Variants in TRHDE observed in about 807,000 individuals in gnomAD.
TRHDE encodes thyrotropin-releasing hormone-degrading ectoenzyme.
In TRHDE, 72 loss-of-function variants were observed where a neutral mutation model predicts 125.7. That is an observed-to-expected ratio of 0.57 (90% CI 0.47 to 0.70). TRHDE has a LOEUF of 0.70. TRHDE is among the 30% of genes least tolerant of loss of function. The probability of loss-of-function intolerance (pLI) is 0.00; values close to 1 mark genes in which losing one functional copy is unlikely to be tolerated. For missense variants in TRHDE, 1,110 were observed against 1,327.1 expected (o/e 0.84, Z 2.54); for synonymous variants, 509 against 509.1 (o/e 1.00, Z 0.00).
intron 2 of TRHDE, among the ~76,000 whole-genome samples, chr12:72,199,218 G>A (rs1023711641): frequency 6.6e-6 from 1 of 152,098 alleles, no homozygotes; most frequent in African/African-American, 2.4e-5. Context: ...TCTGTGCTTA[G>A]AGTAACAGGC....
intron 7 of TRHDE, among the ~76,000 whole-genome samples, chr12:72,553,291 T>C (rs546606978): frequency 7.9e-5 from 12 of 152,270 alleles, no homozygotes; most frequent in African/African-American, 2.2e-4. Flanking sequence ...TCCTCCAGGA[T>C]TGGGATTTTT....
chr12:72,441,462 C>T (rs1436895403), intron 3 of TRHDE, among the ~76,000 whole-genome samples: 20 of 151,804 alleles, frequency 1.3e-4, no homozygotes, highest in Admixed American at 6.6e-5. Context: ...TTCATCATTG[C>T]AGTACACAAG....
intron 3 of TRHDE, among the ~76,000 whole-genome samples, chr12:72,391,412 TGAAA>T (rs1565724513): frequency 6.6e-6 from 1 of 152,176 alleles, no homozygotes; most frequent in Non-Finnish European, 1.5e-5. Flanking sequence ...AGGGTGATTT[TGAAA>T]GAAAGAGTGA....
At position 72,554,340 on chromosome 12, in the gene TRHDE, A is replaced by G. The variant is rs1869822323; in HGVS notation, c.1789-7825A>G. On this transcript the variant is annotated intron_variant, in intron 7 of 18. Coordinates refer to ENST00000261180, the MANE Select transcript of TRHDE (RefSeq NM_013381.3). ...ATTTGTTTTATATCATTTTCTCTGC[A>G]TACCCTTATCAGGTAAGCACTACAT... 2.0e-5 allele frequency among the ~76,000 whole-genome samples: 3 copies of G among 152,290 alleles called. No individual in the cohort carries two copies. The South Asian group carries it at 6.2e-4, about 32-fold the overall frequency.
At chr12:72,539,022 G>T (rs1027592178) in intron 6 of TRHDE, among the ~76,000 whole-genome samples, 3 of 151,472 alleles carry the variant, frequency 2.0e-5, no homozygotes, top group African/African-American at 4.9e-5. Context: ...CCACTTTCAC[G>T]CCTATTTGAC....
At chr12:72,219,575 G>A (rs1403396925) in intron 2 of TRHDE, among the ~76,000 whole-genome samples, 1 of 152,094 alleles carries the variant, frequency 6.6e-6, no homozygotes, top group Non-Finnish European at 1.5e-5. Flanking sequence ...TCAGCCCTGG[G>A]GGTCCACATG....
chr12:72,592,913 A>C (rs960270296), intron 12 of TRHDE, among the ~76,000 whole-genome samples: 1 of 152,060 alleles, frequency 6.6e-6, no homozygotes, highest in Non-Finnish European at 1.5e-5. Flanking sequence ...CGGTTTTGCC[A>C]TGTTGGCCAG....
chr12:72,112,971 C>T (rs1203757188), intron 2 of TRHDE, among the ~76,000 whole-genome samples: 2 of 152,094 alleles, frequency 1.3e-5, no homozygotes, highest in South Asian at 4.1e-4. Context: ...ATGACCTGTA[C>T]CTTCATTTCC....
chr12:72,613,882 A>C (rs1009146258), intron 12 of TRHDE, among the ~76,000 whole-genome samples: 1 of 152,146 alleles, frequency 6.6e-6, no homozygotes, highest in African/African-American at 2.4e-5. Flanking sequence ...GTAATTTATA[A>C]GAAAAGAGGT....
At chr12:72,095,913 T>C (rs544173426) in intron 1 of TRHDE, among the ~76,000 whole-genome samples, 6 of 152,254 alleles carry the variant, frequency 3.9e-5, no homozygotes, top group Middle Eastern at 3.4e-3. Context: ...CTCTATAATG[T>C]GGTTGGGCCT....
chr12:72,171,511 G>A (rs1876873367), intron 2 of TRHDE, among the ~76,000 whole-genome samples: 1 of 152,184 alleles, frequency 6.6e-6, no homozygotes, highest in African/African-American at 2.4e-5. Context: ...TCTGGTTAGG[G>A]GAGATTGGTG....
chr12:72,309,502 G>A (rs1052868830), intron 2 of TRHDE, among the ~76,000 whole-genome samples: 2 of 151,952 alleles, frequency 1.3e-5, no homozygotes, highest in Non-Finnish European at 2.9e-5. Flanking sequence ...CTGGAAAGGA[G>A]GAAAAACAGC....
At chr12:72,128,051 C>G (rs1875766107) in intron 2 of TRHDE, among the ~76,000 whole-genome samples, 1 of 151,988 alleles carries the variant, frequency 6.6e-6, no homozygotes, top group Non-Finnish European at 1.5e-5. Context: ...AGAGGATGCC[C>G]TTGAGTATTT....
chr12:72,494,311 C>G (rs1343653908), intron 5 of TRHDE, among the ~76,000 whole-genome samples: 2 of 151,954 alleles, frequency 1.3e-5, no homozygotes, highest in African/African-American at 4.8e-5. Context: ...TGTAGCTGCT[C>G]TGATGTAACC....
chr12:72,360,731 G>A (rs1014127254), intron 2 of TRHDE, among the ~76,000 whole-genome samples: 48 of 151,878 alleles, frequency 3.2e-4, no homozygotes, highest in African/African-American at 1.1e-3. Context: ...GATTGTGAAA[G>A]CCAATACTTC....
chr12:72,138,636 C>G (rs1400760268), intron 2 of TRHDE, among the ~76,000 whole-genome samples: 2 of 152,162 alleles, frequency 1.3e-5, no homozygotes, highest in Non-Finnish European at 2.9e-5. Context: ...CCATCTACTG[C>G]TATTAATAAC....
chr12:72,287,363 C>G lies in TRHDE; in HGVS notation c.1188+409C>G, dbSNP rs919187886. ...TGAGTAATATAGTAAACTCCATACA[C>G]CTACTAGCCAGATCAATAGAACTAA... On this transcript the variant is annotated intron_variant, in intron 2 of 18. Transcript: ENST00000261180. Among the ~76,000 whole-genome samples, 6 of 152,230 alleles carry G rather than the reference C, an allele frequency of 3.9e-5. No homozygotes were observed. The South Asian group carries it at 1.2e-3, about 32-fold the overall frequency.
chr12:72,398,842 T>C (rs963559665), intron 3 of TRHDE, among the ~76,000 whole-genome samples: 1 of 152,206 alleles, frequency 6.6e-6, no homozygotes, highest in Non-Finnish European at 1.5e-5. Flanking sequence ...TTAGATGCTT[T>C]ACGTTAATAT....
rs112456494 is a variant in TRHDE, at chr12:72,091,918, G to A, written n.174+4479G>A. ...AAAGGGCTGTAGAAGCTCAGGGGCTGCCTTTGCTCACTAGAAGCAGAGAGC... is the reference window on the plus strand; with the variant it reads ...AAAGGGCTGTAGAAGCTCAGGGGCTACCTTTGCTCACTAGAAGCAGAGAGC... On this transcript the variant is annotated intron_variant and non_coding_transcript_variant, in intron 1 of 4. Coordinates refer to the TRHDE transcript ENST00000548156. Among the ~76,000 whole-genome samples, 1,141 of 152,330 alleles carry A rather than the reference G, an allele frequency of 7.5e-3. 20 individuals carry two copies. Among genetic ancestry groups the A allele is most frequent in the African/African-American group, 0.026 (1,100 of 41,564 alleles).
Sources: gnomAD v4.1 joint callset for allele counts (sites outside exome capture counted in the v4.1 genomes callset) on GRCh38, gnomAD v4.1.1 for gene constraint, MANE v1.5 for transcripts, NCBI Gene and HGNC (gene_info 2026-07-23, HGNC 2026-07-21) for gene names.